The following USP47 variants were observed in gnomAD, a reference collection of about 807,000 sequenced individuals.
USP47 encodes the protein ubiquitin carboxyl-terminal hydrolase 47.
USP47 carries 35 observed loss-of-function variants against 165.1 expected under a neutral mutation model. The ratio of observed to expected loss-of-function variants is 0.21; its 90% CI spans 0.16 to 0.28. The LOEUF (loss-of-function observed/expected upper bound fraction) is 0.28, where lower values mean the gene tolerates loss of function less well. Ranked by LOEUF, USP47 falls within the 10% of genes least tolerant of loss-of-function variation. USP47 has a pLI of 1.00. For missense variants in USP47, 1,277 were observed against 1,607.4 expected (o/e 0.79, Z 3.52); for synonymous variants, 531 against 544.5 (o/e 0.98, Z 0.35).
chr11:11,901,246 G>A (rs4243945), intron 5 of USP47, among the ~76,000 whole-genome samples: 43,680 of 151,670 alleles, frequency 0.29, 6,408 homozygotes, highest in Middle Eastern at 0.35. Flanking sequence ...CAAAAGAAAA[G>A]AAAAAGTCTT....
At chr11:11,911,318 G>A (rs1022097447) in intron 8 of USP47, among the ~76,000 whole-genome samples, 2 of 152,162 alleles carry the variant, frequency 1.3e-5, no homozygotes, top group Non-Finnish European at 2.9e-5. Context: ...GTCCTGAAAG[G>A]AGATTAATAA....
intron 1 of USP47, among the ~76,000 whole-genome samples, chr11:11,847,460 T>C (rs548664935): frequency 1.3e-5 from 2 of 152,166 alleles, no homozygotes; most frequent in South Asian, 4.1e-4. Flanking sequence ...CTGTACTTGG[T>C]TGTACTCTAG....
intron 1 of USP47, among the ~76,000 whole-genome samples, chr11:11,846,437 A>G (rs1445686439): frequency 1.3e-5 from 2 of 152,148 alleles, no homozygotes; most frequent in Admixed American, 1.3e-4. Context: ...GCAGTACTTA[A>G]AGTAGTGCTC....
intron 3 of USP47, among the ~76,000 whole-genome samples, chr11:11,891,448 G>C (rs1851506158): frequency 6.6e-6 from 1 of 152,226 alleles, no homozygotes; most frequent in Non-Finnish European, 1.5e-5. Flanking sequence ...ATCATGAGAA[G>C]ATTTTGATTA....
chr11:11,842,208 A>T lies in USP47; in HGVS notation c.23A>T (p.Gln8Leu). 1 of 1,553,902 alleles carries T rather than the reference A, an allele frequency of 6.4e-7. No homozygotes were observed. Among genetic ancestry groups the T allele is most frequent in the South Asian group, 1.2e-5 (1 of 84,216 alleles). ...GCGATGGTGCCCGGCGAGGAGAACC[A>T]ACTGGTCCCGAAAGAGGTGAGGGGC... Reference protein sequence around the residue: MVPGEENQLVPKEIENAA... With the variant: MVPGEENLLVPKEIENAA... Residue 8 changes from glutamine to leucine, a missense_variant, in exon 1 of 28, where the codon CAA (glutamine) becomes CTA (leucine). Gln to Leu is a moderately radical substitution (Grantham distance 113). Coordinates refer to ENST00000527733, the MANE Select transcript of USP47 (RefSeq NM_001282659.2).
At chr11:11,896,759 A>G (rs998993102) in intron 4 of USP47, among the ~76,000 whole-genome samples, 2 of 152,160 alleles carry the variant, frequency 1.3e-5, no homozygotes, top group Non-Finnish European at 2.9e-5. Context: ...ATCCTATGAG[A>G]ACAACTCAAG....
Position 11,959,724 on chromosome 11 carries a change from T to C in USP47, c.*3549T>C, listed in dbSNP as rs1847371059. Reference sequence around the variant, plus strand: ...TCAAGCTAGGAGGGCAAAAGAGAGTTGAGAGGAATGCTCTGCCCCTTCCCC... The same window carrying C: ...TCAAGCTAGGAGGGCAAAAGAGAGTCGAGAGGAATGCTCTGCCCCTTCCCC... On this transcript the variant is annotated 3_prime_UTR_variant, in exon 28 of 28. Coordinates refer to ENST00000527733, the MANE Select transcript of USP47 (RefSeq NM_001282659.2). Among the ~76,000 whole-genome samples, 1 of 152,154 alleles carries C rather than the reference T, an allele frequency of 6.6e-6. No individual in the cohort carries two copies. The highest frequency in any genetic ancestry group is 1.5e-5 in the Non-Finnish European group (1 of 68,028).
chr11:11,932,906 A>G, intron 14 of USP47, 98 bp from the exon 15 acceptor site: 1 of 825,414 alleles, frequency 1.2e-6, no homozygotes, highest in South Asian at 1.8e-5. Flanking sequence ...CATGAGTGCT[A>G]CAGTAGAAGT....
At chr11:11,900,455 C>T (rs180849827) in intron 5 of USP47, among the ~76,000 whole-genome samples, 64 of 152,252 alleles carry the variant, frequency 4.2e-4, no homozygotes, top group African/African-American at 1.3e-3. Context: ...CCACCGCGCC[C>T]GGCCTATTTT....
chr11:11,854,848 C>A (rs1049950436), intron 1 of USP47, among the ~76,000 whole-genome samples: 7 of 146,978 alleles, frequency 4.8e-5, no homozygotes, highest in African/African-American at 1.7e-4. Context: ...AATCCCAGCA[C>A]TTTGGGAGGC....
chr11:11,931,236 T>C (rs1346670547), intron 14 of USP47, among the ~76,000 whole-genome samples: 1 of 152,186 alleles, frequency 6.6e-6, no homozygotes, highest in Non-Finnish European at 1.5e-5. Flanking sequence ...GTTTAGACAC[T>C]ACCGTTGCTA....
At chr11:11,865,293 T>C (rs953145572) in intron 1 of USP47, among the ~76,000 whole-genome samples, 3 of 152,186 alleles carry the variant, frequency 2.0e-5, no homozygotes, top group African/African-American at 4.8e-5. Flanking sequence ...ACATGAATGT[T>C]GGATCTTTTG....
At chr11:11,904,793 T>G (rs1365279947) in intron 7 of USP47, among the ~76,000 whole-genome samples, 1 of 152,140 alleles carries the variant, frequency 6.6e-6, no homozygotes, top group Non-Finnish European at 1.5e-5. Flanking sequence ...ATTTTAAGAT[T>G]TTTTTTGAAT....
At chr11:11,929,299 T>G in intron 11 of USP47, 135 bp from the exon 12 acceptor site, 1 of 1,246,778 alleles carries the variant, frequency 8.0e-7, no homozygotes, top group South Asian at 1.7e-5. Flanking sequence ...TGTTTTACCT[T>G]AGGGGAAAGT....
intron 8 of USP47, among the ~76,000 whole-genome samples, chr11:11,907,791 T>C (rs1280645860): frequency 6.6e-6 from 1 of 152,142 alleles, no homozygotes; most frequent in African/African-American, 2.4e-5. Flanking sequence ...TTTGTCTTAT[T>C]TAATATATTA....
intron 13 of USP47, 124 bp downstream of exon 13, chr11:11,930,244 C>T (rs1854565550): frequency 2.6e-6 from 2 of 781,976 alleles, no homozygotes; most frequent in East Asian, 2.7e-5. Flanking sequence ...CAAATCCAAC[C>T]TGCCTCCATA....
intron 27 of USP47, 128 bp downstream of exon 27, chr11:11,955,292 C>A: frequency 8.8e-7 from 1 of 1,132,882 alleles, no homozygotes; most frequent in Non-Finnish European, 1.2e-6. Flanking sequence ...AATACAGTGA[C>A]AGCCAAACAT....
In USP47 at chr11:11,945,403, G is replaced by A. The variant is rs900268965; in HGVS notation, c.3091+2291G>A. Among the ~76,000 whole-genome samples, 13 of 152,176 alleles carry A rather than the reference G, an allele frequency of 8.5e-5. No homozygotes were observed. The East Asian group carries it at 2.5e-3, about 29-fold the overall frequency. On this transcript the variant is annotated intron_variant, in intron 20 of 27. Transcript: ENST00000527733. ...TTTAAAGAATGATGCACTATGCACAGTATACGCAGTTCACTCAGGCAATAA... is the reference window on the plus strand; with the variant it reads ...TTTAAAGAATGATGCACTATGCACAATATACGCAGTTCACTCAGGCAATAA...
chr11:11,844,654 T>G (rs1848325822), intron 1 of USP47, among the ~76,000 whole-genome samples: 1 of 152,140 alleles, frequency 6.6e-6, no homozygotes, highest in African/African-American at 2.4e-5. Flanking sequence ...TACATATATA[T>G]GTGAAAATAA....
Sources: allele counts gnomAD v4.1 joint callset (sites outside exome capture counted in the v4.1 genomes callset), GRCh38; gene constraint gnomAD v4.1.1; transcripts MANE v1.5; gene names NCBI Gene and HGNC (gene_info 2026-07-23, HGNC 2026-07-21).